OLFM2: variants seen among roughly 807,000 people sequenced by gnomAD.
OLFM2 encodes the protein olfactomedin 2.
OLFM2 carries 20 observed loss-of-function variants against 43.9 expected under a neutral mutation model. The observed-to-expected ratio is 0.46, with a 90% CI of 0.32 to 0.66. The LOEUF (loss-of-function observed/expected upper bound fraction) is 0.66, where lower values mean the gene tolerates loss of function less well. Among genes scored for constraint, OLFM2 ranks in the 30% least tolerant of loss-of-function variants. The probability of loss-of-function intolerance (pLI) is 0.04; values close to 1 mark genes in which losing one functional copy is unlikely to be tolerated. For synonymous variants in OLFM2, 268 were observed against 278.6 expected, an observed-to-expected ratio of 0.96 and a Z score of 0.38; for missense variants, 416 against 643.6, an observed-to-expected ratio of 0.65 and a Z score of 3.83.
chr19:9,866,375 A>G (rs912243552), intron 1 of OLFM2, among the ~76,000 whole-genome samples: 3 of 151,910 alleles, frequency 2.0e-5, no homozygotes, highest in Non-Finnish European at 4.4e-5. Context: ...AGAGTGTCCT[A>G]CTCTAGGGGA....
intron 1 of OLFM2, among the ~76,000 whole-genome samples, chr19:9,905,112 A>C (rs1436476571): frequency 1.3e-5 from 2 of 151,966 alleles, no homozygotes; most frequent in African/African-American, 4.8e-5. Context: ...GCCTGAGCTC[A>C]GGAGTTCAAG....
chr19:9,935,434 G>C (rs2086509314), intron 1 of OLFM2, among the ~76,000 whole-genome samples: 1 of 151,938 alleles, frequency 6.6e-6, no homozygotes. Flanking sequence ...CCATGGGGAG[G>C]GAGACCCGCT....
At chr19:9,864,403 C>T (rs182501109) in intron 1 of OLFM2, among the ~76,000 whole-genome samples, 8 of 152,062 alleles carry the variant, frequency 5.3e-5, no homozygotes, top group South Asian at 2.1e-4. Flanking sequence ...TGGGTTCAAG[C>T]GATTTTCATG....
chr19:9,913,761 G>A (rs2046850079), intron 1 of OLFM2: 1 of 836,494 alleles, frequency 1.2e-6, no homozygotes. Flanking sequence ...CAGGGGGTCC[G>A]GGACGGGGTG....
At chr19:9,871,007 T>C (rs537650955) in intron 1 of OLFM2, among the ~76,000 whole-genome samples, 2 of 152,096 alleles carry the variant, frequency 1.3e-5, no homozygotes, top group African/African-American at 4.8e-5. Context: ...CAGTGGCTTA[T>C]GCCTGTAATC....
intron 1 of OLFM2, among the ~76,000 whole-genome samples, chr19:9,861,443 C>T (rs528727784): frequency 1.3e-3 from 203 of 152,226 alleles, no homozygotes; most frequent in Middle Eastern, 3.4e-3. Flanking sequence ...GCATTACAGG[C>T]GTGAGCCACC....
At chr19:9,911,630 GCA>G (rs1334207240) in intron 1 of OLFM2, among the ~76,000 whole-genome samples, 4 of 152,086 alleles carry the variant, frequency 2.6e-5, no homozygotes, top group African/African-American at 7.2e-5. Flanking sequence ...CCACACATAT[GCA>G]CACAAAGATA....
intron 1 of OLFM2, among the ~76,000 whole-genome samples, chr19:9,925,725 C>T (rs1028218347): frequency 1.6e-4 from 24 of 151,790 alleles, no homozygotes; most frequent in East Asian, 3.9e-4. Flanking sequence ...TGAGCCACCG[C>T]GCCTGGCCCA....
chr19:9,894,633 C>T (rs1415872425), intron 1 of OLFM2, among the ~76,000 whole-genome samples: 1 of 150,922 alleles, frequency 6.6e-6, no homozygotes, highest in African/African-American at 2.4e-5. Flanking sequence ...GGCTTGAACC[C>T]AGGAGGCAGA....
At chr19:9,883,650 C>A (rs894464309) in intron 1 of OLFM2, among the ~76,000 whole-genome samples, 1 of 152,092 alleles carries the variant, frequency 6.6e-6, no homozygotes, top group African/African-American at 2.4e-5. Context: ...CTGCATTGTA[C>A]CCGCCAGCGC....
At chr19:9,902,301 T>C (rs964741594) in intron 1 of OLFM2, among the ~76,000 whole-genome samples, 12 of 151,966 alleles carry the variant, frequency 7.9e-5, no homozygotes, top group Non-Finnish European at 1.3e-4. Flanking sequence ...ATGCTGGGAT[T>C]ACAGGCGTGA....
intron 1 of OLFM2, among the ~76,000 whole-genome samples, chr19:9,917,978 G>A (rs896631610): frequency 4.0e-5 from 6 of 151,402 alleles, no homozygotes; most frequent in African/African-American, 1.2e-4. Context: ...TCCTGGGTTC[G>A]AGTAATTCTC....
chr19:9,932,468 A>G lies in OLFM2; in HGVS notation c.63+3836T>C, dbSNP rs541993292. 7.0e-4 allele frequency among the ~76,000 whole-genome samples: 99 copies of G among 141,888 alleles called. 1 individual carries two copies. Among genetic ancestry groups the G allele is most frequent in the African/African-American group, 1.6e-3 (57 of 36,430 alleles). 93.1% of individuals were successfully genotyped at this position (141,888 alleles called of 152,430 possible). A position where few individuals can be genotyped will look rare whatever the true frequency, so the allele number is the denominator to read the frequency against. ...AGACTCAGTCTCAAAAAAAAAAAAAAAAAGAAAGAAAGAGAGAGAAAGAAA... is the reference window on the plus strand; with the variant it reads ...AGACTCAGTCTCAAAAAAAAAAAAAGAAAGAAAGAAAGAGAGAGAAAGAAA... On this transcript the variant is annotated intron_variant, in intron 1 of 5. Transcript: ENST00000264833.
At chr19:9,858,066 C>T (rs2046337164) in intron 2 of OLFM2, 1 of 649,676 alleles carries the variant, frequency 1.5e-6, no homozygotes, top group Admixed American at 2.2e-5. Context: ...CCCACTGGCT[C>T]CCATCTGGTC....
intron 1 of OLFM2, among the ~76,000 whole-genome samples, chr19:9,880,855 G>A (rs567569969): frequency 2.0e-5 from 3 of 152,044 alleles, no homozygotes; most frequent in Admixed American, 6.6e-5. Flanking sequence ...CAGCTTTGGC[G>A]CTCTCTCTGT....
Position 9,873,519 on chromosome 19 carries a change from A to G in OLFM2, c.64-12725T>C, listed in dbSNP as rs116887233. ...GTCCAGGCTGGAGTGCAGGGGCATG[A>G]TCATAGCTCACTGCATCTTCAGCCT... is the stretch of plus-strand genomic sequence containing the variant. On this transcript the variant is annotated intron_variant, in intron 1 of 5. Coordinates refer to ENST00000264833, the MANE Select transcript of OLFM2 (RefSeq NM_058164.4). Among the ~76,000 whole-genome samples the G allele has an allele frequency of 4.1e-3, 618 of 152,234 alleles. 21 individuals are homozygous for G. In the East Asian group the frequency reaches 0.094, roughly 23 times the overall value.
intron 1 of OLFM2, among the ~76,000 whole-genome samples, chr19:9,925,808 A>G (rs1319590002): frequency 6.6e-6 from 1 of 151,752 alleles, no homozygotes; most frequent in Non-Finnish European, 1.5e-5. Context: ...TACACCCGTG[A>G]TCATAGCAGT....
chr19:9,888,525 A>AAC (rs1341733455), intron 1 of OLFM2, among the ~76,000 whole-genome samples: 2 of 150,660 alleles, frequency 1.3e-5, no homozygotes, highest in Admixed American at 6.6e-5. Context: ...TTACCTCAAA[A>AAC]AAAAAAAACA....
At position 9,856,442 on chromosome 19, in the gene OLFM2, A is replaced by G. The variant is rs542715479; in HGVS notation, c.687+365T>C. On this transcript the variant is annotated intron_variant, in intron 5 of 5. Coordinates refer to ENST00000264833, the MANE Select transcript of OLFM2 (RefSeq NM_058164.4). The surrounding 1 kb of genome is among the most constrained non-coding windows in gnomAD (Gnocchi z 4.0). Reference sequence around the variant, plus strand: ...GTCTAAGTGATGGGCAGTCATGACCATGGAAGCTACTAGAAGTCCGAAGGT... The same window carrying G: ...GTCTAAGTGATGGGCAGTCATGACCGTGGAAGCTACTAGAAGTCCGAAGGT... Among the ~76,000 whole-genome samples, 2 of 152,348 alleles carry G rather than the reference A, an allele frequency of 1.3e-5. No homozygotes were observed. The highest frequency in any genetic ancestry group is 2.1e-4 in the South Asian group (1 of 4,830).
Sources: gnomAD v4.1 joint callset for allele counts (sites outside exome capture counted in the v4.1 genomes callset) on GRCh38, gnomAD v4.1.1 for gene constraint, Gnocchi (gnomAD v3.1) non-coding constraint, MANE v1.5 for transcripts, NCBI Gene and HGNC (gene_info 2026-07-23, HGNC 2026-07-21) for gene names.